The following VOPP1 variants were observed in gnomAD, a reference collection of about 807,000 sequenced individuals.
The protein encoded by VOPP1 is WW domain binding protein VOPP1.
A neutral mutation model predicts 23.5 loss-of-function variants in VOPP1; 8 were observed. The observed-to-expected ratio is 0.34, with a 90% CI of 0.20 to 0.61. VOPP1 has a LOEUF of 0.61. VOPP1 is among the 20% of genes least tolerant of loss of function. The pLI, the probability that VOPP1 is intolerant of heterozygous loss-of-function variation, is 0.78. For synonymous variants in VOPP1, 83 were observed against 97.3 expected (o/e 0.85, Z 0.86); for missense variants, 174 against 238.1 (o/e 0.73, Z 1.77).
intron 2 of VOPP1, among the ~76,000 whole-genome samples, chr7:55,505,672 AGGGAG>A (rs1794673677): frequency 1.7e-4 from 1 of 5,790 alleles, no homozygotes; most frequent in South Asian, 9.8e-3. Flanking sequence ...GGAGGGAGGG[AGGGAG>A]GGAGGGAGGG....
intron 1 of VOPP1, among the ~76,000 whole-genome samples, chr7:55,525,577 C>T (rs910096133): frequency 1.2e-4 from 19 of 152,034 alleles, no homozygotes; most frequent in African/African-American, 4.6e-4. Context: ...ACTAGGGCAT[C>T]GTTTCCTGAT....
chr7:55,544,983 A>T lies in VOPP1; in HGVS notation c.55-23853T>A, dbSNP rs80209731. ...AACATATATACTGAGAGGATAGAGG[A>T]AGAGAGATTAAATAATGTCTAGCAC... On this transcript the variant is annotated intron_variant, in intron 1 of 4. Coordinates refer to ENST00000285279, the MANE Select transcript of VOPP1 (RefSeq NM_030796.5). Among the ~76,000 whole-genome samples, 1,219 of 152,274 alleles carry T rather than the reference A, an allele frequency of 8.0e-3. 17 individuals are homozygous for T. Among genetic ancestry groups the T allele is most frequent in the African/African-American group, 0.028 (1,166 of 41,532 alleles).
chr7:55,564,245 C>CTG (rs1554302413), intron 1 of VOPP1, among the ~76,000 whole-genome samples: 2 of 147,504 alleles, frequency 1.4e-5, no homozygotes, highest in Admixed American at 6.7e-5. Flanking sequence ...CTGTCTCTGT[C>CTG]TCTCTCTCTC....
At chr7:55,436,655 T>C (rs1046777652) in intron 4 of VOPP1, among the ~76,000 whole-genome samples, 7 of 149,490 alleles carry the variant, frequency 4.7e-5, no homozygotes, top group African/African-American at 9.8e-5. Context: ...CGTGGGTGTG[T>C]GTGCGTGTGT....
intron 4 of VOPP1, among the ~76,000 whole-genome samples, chr7:55,456,602 GTA>G (rs1217926568): frequency 1.3e-5 from 2 of 152,192 alleles, no homozygotes; most frequent in Non-Finnish European, 2.9e-5. Context: ...TATACACCAT[GTA>G]ATACTATGCA....
chr7:55,539,899 G>GCGCACA (rs71561946), intron 1 of VOPP1, among the ~76,000 whole-genome samples: 1 of 139,250 alleles, frequency 7.2e-6, no homozygotes, highest in Non-Finnish European at 1.6e-5. Flanking sequence ...CATAAGCGCT[G>GCGCACA]CACACACACA....
chr7:55,553,927 G>A (rs1797714948), intron 1 of VOPP1: 1 of 152,248 alleles, frequency 6.6e-6, no homozygotes, highest in South Asian at 2.1e-4. Flanking sequence ...CAACTCAGGG[G>A]ACAACATTTA....
intron 3 of VOPP1, among the ~76,000 whole-genome samples, chr7:55,495,438 A>C (rs1218134675): frequency 2.0e-5 from 3 of 152,166 alleles, no homozygotes; most frequent in African/African-American, 7.2e-5. Flanking sequence ...CCTGTCCACC[A>C]AATGCTCATC....
intron 4 of VOPP1, among the ~76,000 whole-genome samples, chr7:55,456,777 C>T (rs901206529): frequency 2.6e-4 from 39 of 152,030 alleles, no homozygotes; most frequent in African/African-American, 8.9e-4. Context: ...GGGAGGGGAA[C>T]ATCACACACC....
chr7:55,439,128 G>A (rs1175120327), intron 4 of VOPP1, among the ~76,000 whole-genome samples: 1 of 152,078 alleles, frequency 6.6e-6, no homozygotes, highest in Non-Finnish European at 1.5e-5. Flanking sequence ...CTTTGGAGTT[G>A]TTTGCTTATC....
At chr7:55,508,118 G>C (rs1483495421) in intron 2 of VOPP1, among the ~76,000 whole-genome samples, 1 of 152,166 alleles carries the variant, frequency 6.6e-6, no homozygotes, top group African/African-American at 2.4e-5. Flanking sequence ...CAGACCAAAT[G>C]GGGTAAAAAG....
chr7:55,533,879 T>C (rs1244474967), intron 1 of VOPP1, among the ~76,000 whole-genome samples: 1 of 152,156 alleles, frequency 6.6e-6, no homozygotes, highest in Non-Finnish European at 1.5e-5. Context: ...GTACCCAGTG[T>C]GTGGTGGGTG....
chr7:55,440,663 T>C (rs1334101966), intron 4 of VOPP1, among the ~76,000 whole-genome samples: 1 of 152,214 alleles, frequency 6.6e-6, no homozygotes, highest in African/African-American at 2.4e-5. Flanking sequence ...GCCCCAGGTC[T>C]GCCTGGTCTC....
At chr7:55,522,404 T>C (rs925918845) in intron 1 of VOPP1, among the ~76,000 whole-genome samples, 1 of 152,208 alleles carries the variant, frequency 6.6e-6, no homozygotes, top group Admixed American at 6.5e-5. Context: ...TGAGTTTTAT[T>C]TAGACTAGGT....
chr7:55,482,482 A>ATTTTTTTTTTTT (rs71031859), intron 4 of VOPP1, among the ~76,000 whole-genome samples: 2 of 132,800 alleles, frequency 1.5e-5, no homozygotes, highest in Admixed American at 7.7e-5. Context: ...CACCTGGCTA[A>ATTTTTTTTTTTT]TTTTTTTTTT....
At chr7:55,464,074 G>A (rs753447219) in intron 4 of VOPP1, among the ~76,000 whole-genome samples, 1 of 152,176 alleles carries the variant, frequency 6.6e-6, no homozygotes, top group Non-Finnish European at 1.5e-5. Context: ...ACAGGCACAG[G>A]CTGTGGTGGG....
intron 4 of VOPP1, among the ~76,000 whole-genome samples, chr7:55,477,361 G>A (rs1792339216): frequency 6.6e-6 from 1 of 152,238 alleles, no homozygotes; most frequent in Admixed American, 6.5e-5. Context: ...ACTGAAGGGG[G>A]GACGAGTGGC....
In VOPP1 at chr7:55,473,173, C is replaced by T. The variant is rs143459021; in HGVS notation, c.329-128G>A. ...CAGCGACAGTGTATGAAGGACCCAACATGCCCGGTGAGGGGGCACCTGGGC... is the reference window on the plus strand; with the variant it reads ...CAGCGACAGTGTATGAAGGACCCAATATGCCCGGTGAGGGGGCACCTGGGC... On this transcript the variant is annotated intron_variant, in intron 4 of 4. Coordinates refer to ENST00000285279, the MANE Select transcript of VOPP1 (RefSeq NM_030796.5). The T allele has an allele frequency of 2.6e-3, 3,646 of 1,391,916 alleles. 15 individuals are homozygous for T. The highest frequency in any genetic ancestry group is 7.3e-3 in the South Asian group (450 of 61,500). The allele number at this position is 1,391,916 out of a possible 1,614,324, so 86.2% of individuals were successfully genotyped here. A position where few individuals can be genotyped will look rare whatever the true frequency, so the allele number is the denominator to read the frequency against.
chr7:55,504,296 G>A (rs1483809892), intron 2 of VOPP1, among the ~76,000 whole-genome samples: 1 of 152,200 alleles, frequency 6.6e-6, no homozygotes, highest in Non-Finnish European at 1.5e-5. Context: ...ATACTTGAAG[G>A]AGGCTTCCCA....
Sources: allele counts gnomAD v4.1 joint callset (sites outside exome capture counted in the v4.1 genomes callset), GRCh38; gene constraint gnomAD v4.1.1; transcripts MANE v1.5; gene names NCBI Gene and HGNC (gene_info 2026-07-23, HGNC 2026-07-21).